The following CMTM8 variants were observed in gnomAD, a reference collection of about 807,000 sequenced individuals.
CMTM8 encodes CKLF like MARVEL transmembrane domain containing 8.
A neutral mutation model predicts 18.6 loss-of-function variants in CMTM8; 12 were observed. The observed-to-expected ratio is 0.65, with a 90% CI of 0.41 to 1.05. The LOEUF (loss-of-function observed/expected upper bound fraction) is 1.05, where lower values mean the gene tolerates loss of function less well. CMTM8 is among the 50% of genes least tolerant of loss of function. CMTM8 has a pLI of 0.00. For missense variants in CMTM8, 217 were observed against 227.2 expected (o/e 0.95, Z 0.29); for synonymous variants, 87 against 90.6 (o/e 0.96, Z 0.23).
intron 1 of CMTM8, among the ~76,000 whole-genome samples, chr3:32,336,522 C>T (rs991974703): frequency 2.6e-5 from 4 of 152,240 alleles, no homozygotes; most frequent in African/African-American, 9.6e-5. Flanking sequence ...CAGTTTCCCT[C>T]TGTAAAATAA....
At chr3:32,313,832 G>A (rs1695869847) in intron 1 of CMTM8, among the ~76,000 whole-genome samples, 2 of 152,156 alleles carry the variant, frequency 1.3e-5, no homozygotes, top group Admixed American at 6.5e-5. Context: ...CCATGTTCTT[G>A]TCACACGACC....
At chr3:32,310,125 G>A (rs139165709) in intron 1 of CMTM8, among the ~76,000 whole-genome samples, 18 of 152,186 alleles carry the variant, frequency 1.2e-4, no homozygotes, top group Admixed American at 1.2e-3. Context: ...GTAGAAAGGA[G>A]TAGTGGGGCT....
chr3:32,272,154 T>C (rs1283191767), intron 1 of CMTM8, among the ~76,000 whole-genome samples: 2 of 152,238 alleles, frequency 1.3e-5, no homozygotes, highest in Non-Finnish European at 2.9e-5. Context: ...TTCTTCTATC[T>C]TACTGGTCTC....
Position 32,239,020 on chromosome 3 carries a change from C to T in CMTM8, c.48C>T (p.Ala16=). 2.5e-6 allele frequency: 4 copies of T among 1,569,370 alleles called. No homozygotes were observed. The highest frequency in any genetic ancestry group is 3.5e-6 in the Non-Finnish European group (4 of 1,157,846). The stretch of plus-strand genomic sequence containing the variant: ...GCTCGCACACAGTCACCACCACCGC[C>T]AGCTCCTTCGCAGAGAACTTCTCCA... ...RARSHTVTTT[A]SSFAENFSTS... The change falls in exon 1 of 4, where the codon GCC becomes GCT. Residue 16 remains alanine (A), a synonymous_variant. Coordinates refer to ENST00000307526, the MANE Select transcript of CMTM8 (RefSeq NM_178868.5).
At chr3:32,360,360 G>A (rs1055492439) in intron 2 of CMTM8, among the ~76,000 whole-genome samples, 10 of 152,196 alleles carry the variant, frequency 6.6e-5, no homozygotes, top group African/African-American at 1.2e-4. Flanking sequence ...CTTAGAATTC[G>A]TTTGCTGCTG....
At chr3:32,281,813 A>T (rs922135471) in intron 1 of CMTM8, among the ~76,000 whole-genome samples, 2 of 152,144 alleles carry the variant, frequency 1.3e-5, no homozygotes, top group Non-Finnish European at 2.9e-5. Context: ...ACATTGACAC[A>T]GTTGACCCCT....
intron 1 of CMTM8, among the ~76,000 whole-genome samples, chr3:32,344,930 A>G (rs1015844913): frequency 6.6e-6 from 1 of 152,140 alleles, no homozygotes; most frequent in Admixed American, 6.6e-5. Flanking sequence ...TTCTTAGTCC[A>G]TAGAATACTC....
intron 1 of CMTM8, among the ~76,000 whole-genome samples, chr3:32,347,560 C>T (rs1281235860): frequency 6.6e-6 from 1 of 152,126 alleles, no homozygotes; most frequent in Non-Finnish European, 1.5e-5. Flanking sequence ...TCAGTACTCT[C>T]AAGGGCCGGG....
intron 1 of CMTM8, among the ~76,000 whole-genome samples, chr3:32,249,391 C>T (rs1406643257): frequency 6.7e-6 from 1 of 150,350 alleles, no homozygotes; most frequent in Non-Finnish European, 1.5e-5. Flanking sequence ...GATTGTGCCA[C>T]TGCACTCCAG....
rs548131502 is a variant in CMTM8, at chr3:32,239,233, C to G, written c.147+114C>G. 38 of 1,186,900 alleles carry G rather than the reference C, an allele frequency of 3.2e-5. No homozygotes were observed. In the African/African-American group the frequency reaches 5.1e-4, roughly 16 times the overall value. The allele number at this position is 1,186,900 out of a possible 1,614,324, so 73.5% of individuals were successfully genotyped here. On this transcript the variant is annotated intron_variant, in intron 1 of 3. Coordinates refer to ENST00000307526, the MANE Select transcript of CMTM8 (RefSeq NM_178868.5). ...GATCTTCCCGCGGGCTTTAGGGAAC[C>G]GTTTTTGCTCAGCCTCGCCTTCTTC... is the stretch of plus-strand genomic sequence containing the variant.
At chr3:32,336,237 C>G (rs996286262) in intron 1 of CMTM8, among the ~76,000 whole-genome samples, 5 of 152,306 alleles carry the variant, frequency 3.3e-5, no homozygotes, top group Admixed American at 3.3e-4. Flanking sequence ...CTCCCTAGTG[C>G]CTAAAGGTAG....
At chr3:32,360,859 C>G (rs1696909335) in intron 2 of CMTM8, among the ~76,000 whole-genome samples, 1 of 152,204 alleles carries the variant, frequency 6.6e-6, no homozygotes, top group South Asian at 2.1e-4. Flanking sequence ...TTCAGAATCT[C>G]CATTATGACA....
chr3:32,298,975 A>C (rs975913959), intron 1 of CMTM8, among the ~76,000 whole-genome samples: 1 of 140,988 alleles, frequency 7.1e-6, no homozygotes, highest in Non-Finnish European at 1.5e-5. Context: ...TTTTAGAGAC[A>C]GGGGTCCAGG....
At chr3:32,359,599 CAAAACAAAA>C (rs1696882610) in intron 2 of CMTM8, among the ~76,000 whole-genome samples, 1 of 151,992 alleles carries the variant, frequency 6.6e-6, no homozygotes, top group Non-Finnish European at 1.5e-5. Context: ...CAAAACAAAA[CAAAACAAAA>C]CTAGTGATGG....
chr3:32,299,891 C>T lies in CMTM8; in HGVS notation c.148-57482C>T, dbSNP rs540079425. Among the ~76,000 whole-genome samples the T allele has an allele frequency of 1.2e-4, 18 of 152,270 alleles. No individual in the cohort carries two copies. In the South Asian group the frequency reaches 3.7e-3, roughly 32 times the overall value. On this transcript the variant is annotated intron_variant, in intron 1 of 3. Transcript: ENST00000307526. ...CCAAAATATGTACTGTCTGTAGCTACTTAACTCTGCCATCATAGTGTGAAA... is the reference window on the plus strand; with the variant it reads ...CCAAAATATGTACTGTCTGTAGCTATTTAACTCTGCCATCATAGTGTGAAA...
At position 32,298,437 on chromosome 3, in the gene CMTM8, C is replaced by A. The variant is rs952841518; in HGVS notation, c.148-58936C>A. ...TACAGAGATACTATAAACATACCCC[C>A]CTTTTTTTTTTTTTTTTTTTACTTT... On this transcript the variant is annotated intron_variant, in intron 1 of 3. Transcript: ENST00000307526. Among the ~76,000 whole-genome samples, 8 of 146,824 alleles carry A rather than the reference C, an allele frequency of 5.4e-5. No individual in the cohort carries two copies. The South Asian group carries it at 1.7e-3, about 31-fold the overall frequency.
At chr3:32,338,034 A>C (rs997570354) in intron 1 of CMTM8, among the ~76,000 whole-genome samples, 2 of 146,334 alleles carry the variant, frequency 1.4e-5, no homozygotes, top group African/African-American at 5.2e-5. Context: ...GCCAGGCTGG[A>C]ATGCAGTGGT....
intron 1 of CMTM8, among the ~76,000 whole-genome samples, chr3:32,326,715 C>T (rs540190924): frequency 2.0e-5 from 3 of 151,992 alleles, no homozygotes; most frequent in African/African-American, 7.2e-5. Context: ...GGGGTTTCAC[C>T]GTGTTGGCCA....
intron 1 of CMTM8, among the ~76,000 whole-genome samples, chr3:32,335,616 T>A (rs751514444): frequency 3.3e-5 from 5 of 152,278 alleles, no homozygotes; most frequent in African/African-American, 4.8e-5. Context: ...CTTGCAGCTG[T>A]GGGGGCAAAG....
Sources: allele counts gnomAD v4.1 joint callset (sites outside exome capture counted in the v4.1 genomes callset), GRCh38; gene constraint gnomAD v4.1.1; transcripts MANE v1.5; gene names NCBI Gene and HGNC (gene_info 2026-07-23, HGNC 2026-07-21).